The following TRPM3 variants were observed in gnomAD, a reference collection of about 807,000 sequenced individuals.
TRPM3 encodes long transient receptor potential channel 3.
In TRPM3, 77 loss-of-function variants were observed where a neutral mutation model predicts 181.2. That is an observed-to-expected ratio of 0.42 (90% CI 0.35 to 0.51). The LOEUF is 0.51. Ranked by LOEUF, TRPM3 falls within the 20% of genes least tolerant of loss-of-function variation. The pLI is 0.01. For missense variants in TRPM3, 1,759 were observed against 2,196.7 expected, an observed-to-expected ratio of 0.80 and a Z score of 3.98; for synonymous variants, 745 against 796.4, an observed-to-expected ratio of 0.94 and a Z score of 1.09.
At chr9:71,242,248 A>C (rs866692344) in intron 1 of TRPM3, among the ~76,000 whole-genome samples, 9 of 152,184 alleles carry the variant, frequency 5.9e-5, no homozygotes, top group Admixed American at 1.3e-4. Flanking sequence ...TTAGGTCACT[A>C]ACTGCGCAGA....
chr9:70,671,066 C>T (rs780474401), intron 9 of TRPM3, among the ~76,000 whole-genome samples: 9 of 152,164 alleles, frequency 5.9e-5, no homozygotes, highest in African/African-American at 2.2e-4. Context: ...GTAAGTAAAA[C>T]AGGTGTGGTC....
chr9:70,646,219 A>G (rs1399388114), intron 9 of TRPM3, among the ~76,000 whole-genome samples: 1 of 152,250 alleles, frequency 6.6e-6, no homozygotes, highest in Non-Finnish European at 1.5e-5. Flanking sequence ...CAATCCCATT[A>G]CTGGGTATGT....
chr9:71,095,012 T>A (rs2066894764), intron 1 of TRPM3, among the ~76,000 whole-genome samples: 1 of 152,078 alleles, frequency 6.6e-6, no homozygotes, highest in African/African-American at 2.4e-5. Flanking sequence ...GCATACTCCA[T>A]CCAAAACAAC....
At chr9:70,801,787 C>T (rs1274681546) in intron 6 of TRPM3, among the ~76,000 whole-genome samples, 1 of 151,534 alleles carries the variant, frequency 6.6e-6, no homozygotes, top group Non-Finnish European at 1.5e-5. Context: ...AATACCATTA[C>T]TGTAGAAAGT....
chr9:70,805,688 T>C (rs1336590749), intron 6 of TRPM3, among the ~76,000 whole-genome samples: 1 of 152,114 alleles, frequency 6.6e-6, no homozygotes, highest in Admixed American at 6.5e-5. Context: ...ATACACCCTA[T>C]AAGAGTTCTT....
At chr9:70,925,432 G>A (rs1484683042) in intron 1 of TRPM3, among the ~76,000 whole-genome samples, 3 of 151,978 alleles carry the variant, frequency 2.0e-5, no homozygotes, top group Non-Finnish European at 4.4e-5. Flanking sequence ...AGTCAGAGGT[G>A]GGTCTTAAAC....
chr9:71,384,570 G>C (rs1007121304), intron 1 of TRPM3, among the ~76,000 whole-genome samples: 1 of 152,142 alleles, frequency 6.6e-6, no homozygotes, highest in Non-Finnish European at 1.5e-5. Flanking sequence ...AAATTCCGTT[G>C]TTGCCATGGA....
At chr9:71,330,290 C>T (rs2090017563) in intron 1 of TRPM3, among the ~76,000 whole-genome samples, 1 of 151,828 alleles carries the variant, frequency 6.6e-6, no homozygotes, top group South Asian at 2.1e-4. Flanking sequence ...CAGAAATACA[C>T]AGTAACTCAA....
At chr9:71,007,972 A>C (rs2097697843) in intron 1 of TRPM3, among the ~76,000 whole-genome samples, 1 of 152,042 alleles carries the variant, frequency 6.6e-6, no homozygotes, top group East Asian at 1.9e-4. Flanking sequence ...ATACAAAAGA[A>C]CCCCAAAACG....
At chr9:71,435,944 T>C (rs983060374) in intron 1 of TRPM3, among the ~76,000 whole-genome samples, 2 of 152,180 alleles carry the variant, frequency 1.3e-5, no homozygotes, top group Admixed American at 1.3e-4. Context: ...TTTACTGCCT[T>C]TGAAAATGGA....
intron 1 of TRPM3, among the ~76,000 whole-genome samples, chr9:71,364,529 G>A (rs548833178): frequency 6.6e-6 from 1 of 152,306 alleles, no homozygotes; most frequent in South Asian, 2.1e-4. Flanking sequence ...GCTTATCACA[G>A]AACCCAACTG....
At chr9:70,960,396 G>T (rs1355292791) in intron 1 of TRPM3, among the ~76,000 whole-genome samples, 2 of 152,132 alleles carry the variant, frequency 1.3e-5, no homozygotes, top group Admixed American at 6.5e-5. Flanking sequence ...GAAAGATATT[G>T]CAGCTTGCAT....
chr9:70,654,064 T>A (rs2059946402), intron 9 of TRPM3, among the ~76,000 whole-genome samples: 1 of 142,728 alleles, frequency 7.0e-6, no homozygotes, highest in Non-Finnish European at 1.5e-5. Context: ...CAGGAGGTGG[T>A]CTTGGCTCTT....
chr9:70,621,287 CGTT>C lies in TRPM3; in HGVS notation c.1810-17_1810-15del, dbSNP rs1394457719. ...CAAGGCTTTGGGCTGTTAAAAAAAA[CGTT>C]GTGAACAAAGTTAGATCAGTTAGAT... On this transcript the variant is annotated splice_polypyrimidine_tract_variant and intron_variant, in intron 14 of 25. Transcript: ENST00000677713. The C allele has an allele frequency of 5.0e-6, 8 of 1,595,170 alleles. No individual in the cohort carries two copies. The highest frequency in any genetic ancestry group is 6.8e-6 in the Non-Finnish European group (8 of 1,169,870).
At chr9:70,774,746 G>T (rs1239602472) in intron 7 of TRPM3, 1 of 152,150 alleles carries the variant, frequency 6.6e-6, no homozygotes, top group Non-Finnish European at 1.5e-5. Context: ...ACTTTTAGAG[G>T]TTTATGCTCA....
chr9:71,396,151 T>C (rs1317976322), intron 1 of TRPM3, among the ~76,000 whole-genome samples: 1 of 152,212 alleles, frequency 6.6e-6, no homozygotes, highest in Non-Finnish European at 1.5e-5. Context: ...AATGGTTTTC[T>C]GCTCTGCCTT....
intron 8 of TRPM3, among the ~76,000 whole-genome samples, chr9:70,757,001 G>A (rs2135204066): frequency 6.6e-6 from 1 of 151,638 alleles, no homozygotes. Context: ...CAGAACTGAA[G>A]GAGATAGAGA....
At chr9:71,417,193 T>C (rs2093649476) in intron 1 of TRPM3, among the ~76,000 whole-genome samples, 1 of 151,980 alleles carries the variant, frequency 6.6e-6, no homozygotes, top group South Asian at 2.1e-4. Flanking sequence ...ATATGCACGT[T>C]AAACTTTATG....
chr9:70,909,985 G>C (rs1045934699), intron 1 of TRPM3, among the ~76,000 whole-genome samples: 1 of 152,146 alleles, frequency 6.6e-6, no homozygotes, highest in Non-Finnish European at 1.5e-5. Flanking sequence ...AGTGTCATTT[G>C]ATAAGACTAC....
Sources: gnomAD v4.1 joint callset for allele counts (sites outside exome capture counted in the v4.1 genomes callset) on GRCh38, gnomAD v4.1.1 for gene constraint, MANE v1.5 for transcripts, NCBI Gene and HGNC (gene_info 2026-07-23, HGNC 2026-07-21) for gene names.